SLC28A1: variants seen among roughly 807,000 people sequenced by gnomAD.
SLC28A1 encodes sodium/nucleoside cotransporter 1.
SLC28A1 carries 64 observed loss-of-function variants against 74.8 expected under a neutral mutation model. The observed-to-expected ratio is 0.86, with a 90% CI of 0.70 to 1.05. SLC28A1 has a LOEUF of 1.05. Ranked by LOEUF, SLC28A1 falls within the 50% of genes least tolerant of loss-of-function variation. The probability of loss-of-function intolerance (pLI) is 0.00; values close to 1 mark genes in which losing one functional copy is unlikely to be tolerated. For missense variants in SLC28A1, 828 were observed against 822.8 expected, an observed-to-expected ratio of 1.01 and a Z score of -0.08; for synonymous variants, 359 against 335.0, an observed-to-expected ratio of 1.07 and a Z score of -0.78.
In SLC28A1 at chr15:84,915,958, C is replaced by A. The variant is rs866106103; in HGVS notation, c.796-2566C>A. Among the ~76,000 whole-genome samples the A allele has an allele frequency of 1.1e-3, 165 of 151,834 alleles. No individual in the cohort carries two copies. In the Middle Eastern group the frequency reaches 0.017, roughly 16 times the overall value. ...TGTTGTTGTTGTTGTTGTTGTTCTTCTTCTTATTATTATTATTATTTTAGA... is the reference window on the plus strand; with the variant it reads ...TGTTGTTGTTGTTGTTGTTGTTCTTATTCTTATTATTATTATTATTTTAGA... On this transcript the variant is annotated intron_variant, in intron 9 of 18. Transcript: ENST00000394573.
chr15:84,928,605 T>TCTCTCTC (rs1596328319), intron 12 of SLC28A1, among the ~76,000 whole-genome samples: 4 of 41,088 alleles, frequency 9.7e-5, no homozygotes, highest in African/African-American at 4.0e-4. Flanking sequence ...TTTCTTTCTT[T>TCTCTCTC]TCTTTCTTTC....
chr15:84,961,571 C>G, the SLC28A1 span: 11 of 448,580 alleles, frequency 2.5e-5, no homozygotes, highest in African/African-American at 2.2e-4. Context: ...GAACTCCTGG[C>G]CTTAAATGAT....
chr15:84,945,398 C>T lies in SLC28A1; in HGVS notation c.*198C>T. 3.2e-6 allele frequency: 2 copies of T among 622,268 alleles called. No homozygotes were observed. Among genetic ancestry groups the T allele is most frequent in the South Asian group, 1.8e-5 (1 of 56,412 alleles). 38.5% of individuals were successfully genotyped at this position (622,268 alleles called of 1,614,324 possible). On this transcript the variant is annotated 3_prime_UTR_variant, in exon 19 of 19. Transcript: ENST00000394573. ...GACATAAGGAAGGACATGTCCCACT[C>T]CATCCCCCTTCCTGCTCCCCCATTT... is the stretch of plus-strand genomic sequence containing the variant.
At chr15:84,957,679 C>A in the SLC28A1 span, among the ~76,000 whole-genome samples, 1 of 152,220 alleles carries the variant, frequency 6.6e-6, no homozygotes, top group South Asian at 2.1e-4. Flanking sequence ...TATCTGTAGT[C>A]TATCCTCATG....
rs932366477 is a variant in SLC28A1, at chr15:84,929,344, A to G, written c.1084-3801A>G. On this transcript the variant is annotated intron_variant, in intron 12 of 18. Transcript: ENST00000394573. ...TGGATCACCTGAGGTCAGGAGTTCA[A>G]GACCAGCCTGGGCAACATGGAGAAA... 4.0e-5 allele frequency among the ~76,000 whole-genome samples: 6 copies of G among 151,610 alleles called. No homozygotes were observed. In the East Asian group the frequency reaches 7.8e-4, roughly 20 times the overall value.
At chr15:84,886,343 C>T (rs1355800446) in intron 1 of SLC28A1, 4 of 984,830 alleles carry the variant, frequency 4.1e-6, no homozygotes, top group East Asian at 2.3e-4. Context: ...ATGCAAAAAG[C>T]TAACAGCCTG....
chr15:84,940,892 G>T, intron 15 of SLC28A1: 2 of 169,328 alleles, frequency 1.2e-5, no homozygotes, highest in South Asian at 1.5e-4. Context: ...TTTCCCTTTA[G>T]GAAGGATGTA....
the SLC28A1 span, among the ~76,000 whole-genome samples, chr15:84,970,834 C>CAA: frequency 6.7e-6 from 1 of 149,590 alleles, no homozygotes; most frequent in Non-Finnish European, 1.5e-5. Flanking sequence ...CTCATATCTA[C>CAA]AAAAAAAAAC....
At chr15:84,934,348 G>C (rs1008021271) in intron 13 of SLC28A1, among the ~76,000 whole-genome samples, 1 of 152,164 alleles carries the variant, frequency 6.6e-6, no homozygotes, top group African/African-American at 2.4e-5. Flanking sequence ...CCATCTCTAT[G>C]TGCCTGAGCT....
downstream of SLC28A1, among the ~76,000 whole-genome samples, chr15:84,950,359 CTTTT>C (rs571049176): frequency 5.7e-3 from 723 of 127,562 alleles, 7 homozygotes; most frequent in Middle Eastern, 0.016. Flanking sequence ...CGCCAGTCTC[CTTTT>C]TTTTTTTTTT....
At chr15:84,934,826 A>G (rs1971690984) in intron 13 of SLC28A1, among the ~76,000 whole-genome samples, 200 bp from the exon 14 acceptor site, 3 of 152,190 alleles carry the variant, frequency 2.0e-5, no homozygotes, top group Admixed American at 1.3e-4. Flanking sequence ...GATGGCTTCC[A>G]TCTTGGACAG....
intron 10 of SLC28A1, among the ~76,000 whole-genome samples, chr15:84,919,766 G>A (rs544368520): frequency 3.3e-5 from 5 of 152,214 alleles, no homozygotes; most frequent in South Asian, 2.1e-4. Context: ...TCTCAACATC[G>A]TTACAATGGC....
intron 13 of SLC28A1, 108 bp downstream of exon 13, chr15:84,933,383 C>G: frequency 7.4e-7 from 1 of 1,355,188 alleles, no homozygotes; most frequent in Non-Finnish European, 1.0e-6. Context: ...TAGCCTGGGC[C>G]CATCTCTCCA....
chr15:84,914,564 T>C (rs1255842524), intron 9 of SLC28A1, among the ~76,000 whole-genome samples: 1 of 152,212 alleles, frequency 6.6e-6, no homozygotes, highest in African/African-American at 2.4e-5. Context: ...ACAGCCTCCG[T>C]GTGCCCATTT....
At chr15:84,894,410 C>G (rs557504231) in intron 5 of SLC28A1, among the ~76,000 whole-genome samples, 2 of 152,216 alleles carry the variant, frequency 1.3e-5, no homozygotes, top group East Asian at 1.9e-4. Flanking sequence ...GACATCTCCC[C>G]CTCTGCTATC....
intron 15 of SLC28A1, among the ~76,000 whole-genome samples, chr15:84,943,028 T>C (rs1392525077): frequency 6.6e-6 from 1 of 151,768 alleles, no homozygotes; most frequent in Non-Finnish European, 1.5e-5. Flanking sequence ...CCGCTAAAAA[T>C]ACAAAAAGTT....
intron 9 of SLC28A1, among the ~76,000 whole-genome samples, chr15:84,912,869 G>T (rs1781298314): frequency 1.4e-5 from 2 of 148,066 alleles, no homozygotes; most frequent in Admixed American, 1.4e-4. Flanking sequence ...GGACCAAAAG[G>T]TATCATTGGA....
At chr15:84,946,164 A>AGGCT (rs1224285176), downstream of SLC28A1, among the ~76,000 whole-genome samples, 12 of 106,902 alleles carry the variant, frequency 1.1e-4, no homozygotes, top group Non-Finnish European at 2.1e-4. Context: ...TATGTTGCCC[A>AGGCT]GGCTAGTCTC....
chr15:84,966,746 G>A, the SLC28A1 span, among the ~76,000 whole-genome samples: 1 of 152,178 alleles, frequency 6.6e-6, no homozygotes, highest in African/African-American at 2.4e-5. Flanking sequence ...GATCGTGTGA[G>A]TCTTATTCAC....
Sources: gnomAD v4.1 joint callset for allele counts (sites outside exome capture counted in the v4.1 genomes callset) on GRCh38, gnomAD v4.1.1 for gene constraint, MANE v1.5 for transcripts, NCBI Gene and HGNC (gene_info 2026-07-23, HGNC 2026-07-21) for gene names.